The following DHRSX variants were observed in gnomAD, a reference collection of about 807,000 sequenced individuals.
The protein encoded by DHRSX is dehydrogenase/reductase X-linked.
A neutral mutation model predicts 34.0 loss-of-function variants in DHRSX; 31 were observed. The observed-to-expected ratio is 0.91, with a 90% CI of 0.69 to 1.23. The LOEUF is 1.23. Among genes scored for constraint, DHRSX ranks in the 50% most tolerant of loss-of-function variants. DHRSX has a pLI of 0.00. For missense variants in DHRSX, 414 were observed against 428.1 expected (o/e 0.97, Z 0.29); for synonymous variants, 201 against 183.8 (o/e 1.09, Z -0.76).
chrX:2,459,322 T>C (rs1379599821), intron 1 of DHRSX, among the ~76,000 whole-genome samples: 1 of 151,462 alleles, frequency 6.6e-6, no homozygotes, highest in Admixed American at 6.6e-5. Flanking sequence ...AGGTTAGAGT[T>C]AGGGTTATCT....
At position 2,243,053 on chromosome X, in the gene DHRSX, C is replaced by T. The variant is rs199750172; in HGVS notation, c.774G>A (p.Ala258=). The T allele has an allele frequency of 2.7e-4, 441 of 1,613,700 alleles. 1 individual carries two copies. In the East Asian group the frequency reaches 8.1e-3, roughly 30 times the overall value. Residue 258 remains alanine, a synonymous_variant, in exon 6 of 7, where the codon GCG becomes GCA. Coordinates refer to ENST00000334651, the MANE Select transcript of DHRSX (RefSeq NM_145177.3). ...AAAGCAACCAGCCGAGAAGCTTCTT[C>T]GCCAGACGGGTGGCCCAGAACACGT... ...YKHVFWATRL[A]KKLLGWLLFK...
intron 1 of DHRSX, among the ~76,000 whole-genome samples, chrX:2,485,943 T>G (rs1202542308): frequency 7.0e-6 from 1 of 143,508 alleles, no homozygotes; most frequent in Middle Eastern, 4.0e-3. Context: ...AAGGAAGGAT[T>G]TGTTGGCTGA....
At chrX:2,477,748 G>A (rs1449639364) in intron 1 of DHRSX, among the ~76,000 whole-genome samples, 1 of 152,106 alleles carries the variant, frequency 6.6e-6, no homozygotes, top group Non-Finnish European at 1.5e-5. Flanking sequence ...AGGAGACTGA[G>A]GCAGGAGAAT....
intron 3 of DHRSX, among the ~76,000 whole-genome samples, chrX:2,391,257 A>C (rs9785575): frequency 0.82 from 124,084 of 152,112 alleles, 50,766 homozygotes; most frequent in African/African-American, 0.87. Flanking sequence ...ATTTGGCAGG[A>C]TCAGTCTATC....
At position 2,472,570 on chromosome X, in the gene DHRSX, G is replaced by A. The variant is rs139801453; in HGVS notation, c.109+28247C>T. On this transcript the variant is annotated intron_variant, in intron 1 of 6. Transcript: ENST00000334651. ...GGATCACTTGAGGCCAGGAGTTCGA[G>A]ACCACCCTGACCAATATGGTGAAAC... 3.4e-3 allele frequency among the ~76,000 whole-genome samples: 525 copies of A among 152,176 alleles called. 9 individuals carry two copies. The highest frequency in any genetic ancestry group is 0.011 in the African/African-American group (461 of 41,520).
chrX:2,365,852 G>C (rs1358699010), intron 3 of DHRSX, among the ~76,000 whole-genome samples: 4 of 152,008 alleles, frequency 2.6e-5, no homozygotes, highest in African/African-American at 9.7e-5. Flanking sequence ...ATGCATGCTG[G>C]GCTTAAAACC....
chrX:2,379,211 C>A (rs1273749323), intron 3 of DHRSX, among the ~76,000 whole-genome samples: 3 of 152,022 alleles, frequency 2.0e-5, no homozygotes, highest in Non-Finnish European at 2.9e-5. Flanking sequence ...GAATGTGTGG[C>A]AAGCAAAGAA....
At chrX:2,313,006 A>ATT (rs113049667) in intron 3 of DHRSX, among the ~76,000 whole-genome samples, 7,876 of 144,150 alleles carry the variant, frequency 0.055, 712 homozygotes, top group African/African-American at 0.2. Flanking sequence ...CAAGATATAT[A>ATT]TTTTTTTTTT....
intron 6 of DHRSX, among the ~76,000 whole-genome samples, chrX:2,239,592 TA>T (rs905070918): frequency 4.0e-4 from 59 of 148,622 alleles, no homozygotes; most frequent in Admixed American, 1.0e-3. Context: ...CCGTCTCTAC[TA>T]AAAAAAAATA....
In DHRSX at chrX:2,298,614, A is replaced by ACACACACACACACACGCG. The variant is rs1556457241; in HGVS notation, c.287-7012_287-7011insCGCGTGTGTGTGTGTGTG. Reference sequence around the variant, plus strand: ...CAGGCGCGTGTGTACACACACACACACACACACACACACACACACACACGA... The same window carrying ACACACACACACACACGCG: ...CAGGCGCGTGTGTACACACACACACACACACACACACACACGCGCACACACACACACACACACACACGA... On this transcript the variant is annotated intron_variant, in intron 3 of 6. Coordinates refer to ENST00000334651, the MANE Select transcript of DHRSX (RefSeq NM_145177.3). Among the ~76,000 whole-genome samples, 2 of 82,956 alleles carry ACACACACACACACACGCG rather than the reference A, an allele frequency of 2.4e-5. 1 individual carries two copies. Among genetic ancestry groups the ACACACACACACACACGCG allele is most frequent in the African/African-American group, 8.2e-5 (2 of 24,402 alleles). The allele number at this position is 82,956 out of a possible 152,430, so 54.4% of individuals were successfully genotyped here.
chrX:2,461,400 CAG>C (rs1340370659), intron 1 of DHRSX, among the ~76,000 whole-genome samples: 1 of 152,250 alleles, frequency 6.6e-6, no homozygotes, highest in Non-Finnish European at 1.5e-5. Context: ...GCTACCAAAA[CAG>C]GGAAAAGAAA....
At chrX:2,291,396 C>T (rs747987685) in intron 4 of DHRSX, 106 bp downstream of exon 4, 10 of 850,632 alleles carry the variant, frequency 1.2e-5, no homozygotes, top group African/African-American at 8.4e-5. Flanking sequence ...TTCAATAATT[C>T]CCATGGATAT....
chrX:2,436,494 TTATTAC>T (rs1444459368), intron 1 of DHRSX, among the ~76,000 whole-genome samples: 3,320 of 134,382 alleles, frequency 0.025, 96 homozygotes, highest in East Asian at 0.073. Flanking sequence ...ATTATTATTA[TTATTAC>T]TACTACTACT....
At chrX:2,226,092 T>C (rs1451257821) in intron 6 of DHRSX, among the ~76,000 whole-genome samples, 1 of 152,096 alleles carries the variant, frequency 6.6e-6, no homozygotes, top group Non-Finnish European at 1.5e-5. Flanking sequence ...TCAGTGTCTG[T>C]TGTCTAAGCT....
At chrX:2,266,292 G>C (rs1194152537) in intron 5 of DHRSX, among the ~76,000 whole-genome samples, 2 of 141,402 alleles carry the variant, frequency 1.4e-5, no homozygotes, top group Non-Finnish European at 3.0e-5. Context: ...AGCAGACACA[G>C]GGAGCACCGT....
At chrX:2,254,272 A>T (rs2041245718) in intron 5 of DHRSX, among the ~76,000 whole-genome samples, 1 of 152,192 alleles carries the variant, frequency 6.6e-6, no homozygotes, top group Non-Finnish European at 1.5e-5. Flanking sequence ...TTAACTTCCT[A>T]CGAATCCGTT....
intron 3 of DHRSX, among the ~76,000 whole-genome samples, chrX:2,390,284 A>C (rs1199681417): frequency 6.6e-6 from 1 of 150,720 alleles, no homozygotes; most frequent in Non-Finnish European, 1.5e-5. Context: ...CTGGGATTAT[A>C]GGCGCCCACC....
chrX:2,355,200 G>A (rs1333957309), intron 3 of DHRSX, among the ~76,000 whole-genome samples: 3 of 152,108 alleles, frequency 2.0e-5, no homozygotes, highest in East Asian at 1.9e-4. Flanking sequence ...AAATAGAAAC[G>A]AAAAGAAAGT....
rs71309483 is a variant in DHRSX at position 2,345,655 on chromosome X, C to CAA, written c.287-54054_287-54053dup. Among the ~76,000 whole-genome samples, 955 of 118,524 alleles carry CAA rather than the reference C, an allele frequency of 8.1e-3. 13 individuals are homozygous for CAA. The highest frequency in any genetic ancestry group is 0.029 in the African/African-American group (898 of 31,508). 77.8% of individuals were successfully genotyped at this position (118,524 alleles called of 152,430 possible). Reference sequence around the variant, plus strand: ...GGGCAACAAGAGTGAAACTCTGTCTCAAAAAAAAAAAAAAAAAAATCTAAA... The same window carrying CAA: ...GGGCAACAAGAGTGAAACTCTGTCTCAAAAAAAAAAAAAAAAAAAAATCTAAA... On this transcript the variant is annotated intron_variant, in intron 3 of 6. Coordinates refer to ENST00000334651, the MANE Select transcript of DHRSX (RefSeq NM_145177.3).
Sources: gnomAD v4.1 joint callset for allele counts (sites outside exome capture counted in the v4.1 genomes callset) on GRCh38, gnomAD v4.1.1 for gene constraint, MANE v1.5 for transcripts, NCBI Gene and HGNC (gene_info 2026-07-23, HGNC 2026-07-21) for gene names.